NF2: variants seen among roughly 807,000 people sequenced by gnomAD.
NF2 encodes NF2, moesin-ezrin-radixin like (MERLIN) tumor suppressor.
Under a neutral mutation model 83.7 loss-of-function variants are expected in NF2, and 8 were observed. That is an observed-to-expected ratio of 0.10 (90% CI 0.06 to 0.17). NF2 has a LOEUF of 0.17. Ranked by LOEUF, NF2 falls within the 10% of genes least tolerant of loss-of-function variation. The pLI, the probability that NF2 is intolerant of heterozygous loss-of-function variation, is 1.00. For synonymous variants in NF2, 266 were observed against 269.6 expected, an observed-to-expected ratio of 0.99 and a Z score of 0.13; for missense variants, 533 against 744.4, an observed-to-expected ratio of 0.72 and a Z score of 3.31.
chr22:29,667,009 A>T (rs370707084), intron 9 of NF2, among the ~76,000 whole-genome samples: 1 of 152,294 alleles, frequency 6.6e-6, no homozygotes. Flanking sequence ...AAATAAATCA[A>T]AAATAGAGCT....
At chr22:29,612,877 CCT>C (rs2064988528) in intron 1 of NF2, among the ~76,000 whole-genome samples, 1 of 151,842 alleles carries the variant, frequency 6.6e-6, no homozygotes, top group Admixed American at 6.6e-5. Flanking sequence ...AGGCGGATCA[CCT>C]GAGGTCAGGA....
chr22:29,678,087 G>A lies in NF2; in HGVS notation c.1447-109G>A, dbSNP rs935665609. 2.8e-6 allele frequency: 4 copies of A among 1,452,060 alleles called. No individual in the cohort carries two copies. In the South Asian group the frequency reaches 3.4e-5, roughly 12 times the overall value. The allele number at this position is 1,452,060 out of a possible 1,614,324, so 89.9% of individuals were successfully genotyped here. A position where few individuals can be genotyped will look rare whatever the true frequency, so the allele number is the denominator to read the frequency against. On this transcript the variant is annotated intron_variant, in intron 13 of 15. Coordinates refer to ENST00000338641, the MANE Select transcript of NF2 (RefSeq NM_000268.4). The stretch of plus-strand genomic sequence containing the variant: ...GTGGTGGCATTGGGAGGTGGGACCC[G>A]AGTTGTGCCCATTGCCTCTGTGGCT...
At chr22:29,624,850 T>G (rs2065314009) in intron 1 of NF2, among the ~76,000 whole-genome samples, 1 of 148,808 alleles carries the variant, frequency 6.7e-6, no homozygotes, top group African/African-American at 2.5e-5. Context: ...TCTTTCTTTC[T>G]TTCTTTCTTT....
At chr22:29,619,279 A>G (rs1012633712) in intron 1 of NF2, among the ~76,000 whole-genome samples, 1 of 152,164 alleles carries the variant, frequency 6.6e-6, no homozygotes, top group Non-Finnish European at 1.5e-5. Context: ...TCCTGACCTC[A>G]GGTGATCCAC....
At chr22:29,674,706 T>A in intron 12 of NF2, 130 bp from the exon 13 acceptor site, 1 of 745,090 alleles carries the variant, frequency 1.3e-6, no homozygotes, top group Admixed American at 2.0e-5. Context: ...CCTGTCTCAC[T>A]GTCCTTTTTC....
chr22:29,690,424 TCA>T (rs2067374762), intron 15 of NF2, among the ~76,000 whole-genome samples: 1 of 152,162 alleles, frequency 6.6e-6, no homozygotes, highest in South Asian at 2.1e-4. Flanking sequence ...CCCTGCCGTC[TCA>T]CAGCCTGCTG....
chr22:29,659,571 A>G (rs2066416300), intron 7 of NF2, among the ~76,000 whole-genome samples: 1 of 152,176 alleles, frequency 6.6e-6, no homozygotes, highest in South Asian at 2.1e-4. Context: ...TGGCTATCTT[A>G]GTGTCTTTTA....
At chr22:29,688,346 G>A (rs758102112) in intron 15 of NF2, among the ~76,000 whole-genome samples, 7 of 152,206 alleles carry the variant, frequency 4.6e-5, no homozygotes, top group Non-Finnish European at 8.8e-5. Context: ...CACCGGATTC[G>A]TTGCTGCAAC....
intron 1 of NF2, among the ~76,000 whole-genome samples, chr22:29,628,025 AGCCTCATCTAGTTATCAT>A (rs1375604220): frequency 2.0e-5 from 3 of 152,202 alleles, no homozygotes; most frequent in Non-Finnish European, 4.4e-5. Flanking sequence ...TCTGCTCAGA[AGCCTCATCTAGTTATCAT>A]GATTATCATC....
chr22:29,673,048 G>T (rs979810644), intron 11 of NF2, among the ~76,000 whole-genome samples: 5 of 152,242 alleles, frequency 3.3e-5, no homozygotes, highest in Non-Finnish European at 5.9e-5. Flanking sequence ...GGTACTCAGA[G>T]AAGGTGCTCT....
At chr22:29,634,866 T>A (rs2065606565) in intron 1 of NF2, among the ~76,000 whole-genome samples, 1 of 152,222 alleles carries the variant, frequency 6.6e-6, no homozygotes, top group Admixed American at 6.5e-5. Flanking sequence ...TGCCCATTAC[T>A]CAGCCTTAAA....
intron 7 of NF2, among the ~76,000 whole-genome samples, chr22:29,660,569 G>GT (rs985880850): frequency 3.9e-5 from 6 of 151,956 alleles, no homozygotes; most frequent in South Asian, 2.1e-4. Flanking sequence ...AAACCTATGG[G>GT]TTTTTTTTGT....
In NF2 at chr22:29,665,116, T is replaced by C. The variant is rs369124306; in HGVS notation, c.885+52T>C. 4.5e-6 allele frequency: 6 copies of C among 1,327,880 alleles called. No individual in the cohort carries two copies. The African/African-American group carries it at 5.8e-5, about 13-fold the overall frequency. 82.3% of individuals were successfully genotyped at this position (1,327,880 alleles called of 1,614,324 possible). A position where few individuals can be genotyped will look rare whatever the true frequency, so the allele number is the denominator to read the frequency against. On this transcript the variant is annotated intron_variant, in intron 9 of 15. Coordinates refer to ENST00000338641, the MANE Select transcript of NF2 (RefSeq NM_000268.4). Reference sequence around the variant, plus strand: ...CTGATAATGGTAGCTTTTCTGAGAATTGAATACTTCTTTTTAAAGGATATC... The same window carrying C: ...CTGATAATGGTAGCTTTTCTGAGAACTGAATACTTCTTTTTAAAGGATATC...
intron 4 of NF2, among the ~76,000 whole-genome samples, chr22:29,650,791 T>A (rs1372942589): frequency 1.3e-5 from 2 of 152,262 alleles, no homozygotes; most frequent in East Asian, 3.9e-4. Flanking sequence ...TTAGTACAGA[T>A]GAGGTTTCAC....
At chr22:29,625,148 C>A (rs757412326) in intron 1 of NF2, among the ~76,000 whole-genome samples, 3 of 152,022 alleles carry the variant, frequency 2.0e-5, no homozygotes, top group Non-Finnish European at 2.9e-5. Flanking sequence ...AGGATGGTCT[C>A]GATCTCTTGA....
chr22:29,675,370 G>A (rs2066929752), intron 13 of NF2, among the ~76,000 whole-genome samples: 1 of 152,132 alleles, frequency 6.6e-6, no homozygotes, highest in African/African-American at 2.4e-5. Flanking sequence ...GTGCAAGAAC[G>A]AGCAGCCACT....
Position 29,668,424 on chromosome 22 carries a change from G to A in NF2, c.977G>A (p.Arg326Lys), listed in dbSNP as rs748792522. The A allele has an allele frequency of 6.2e-7, 1 of 1,613,748 alleles. No individual in the cohort carries two copies. The highest frequency in any genetic ancestry group is 2.2e-5 in the East Asian group (1 of 44,868). ...GTTCAGCAGATGAAAGCCCAGGCCA[G>A]GGAGGAGAAGGCTAGAAAGCAGGTG... ...LEVQQMKAQA[R>K]EEKARKQMER... Residue 326 changes from arginine to lysine, a missense_variant, in exon 10 of 16, where the codon AGG (arginine) becomes AAG (lysine). Arg to Lys is a conservative substitution (Grantham distance 26). Around this residue, in one of 3 missense-constraint regions of NF2, gnomAD observed 326 missense variants for 475.1 expected, o/e 0.69. Transcript: ENST00000338641.
chr22:29,689,416 T>A (rs576047588), intron 15 of NF2, among the ~76,000 whole-genome samples: 8 of 152,034 alleles, frequency 5.3e-5, no homozygotes, highest in Non-Finnish European at 1.2e-4. Context: ...CGTCCTTTTG[T>A]GTCTACACCC....
intron 11 of NF2, 25 bp downstream of exon 11, chr22:29,671,973 C>T (rs372299699): frequency 6.2e-7 from 1 of 1,613,994 alleles, no homozygotes; most frequent in East Asian, 2.2e-5. Flanking sequence ...GCTGGGGTTC[C>T]AGGAGGCTAC....
Sources: allele counts gnomAD v4.1 joint callset (sites outside exome capture counted in the v4.1 genomes callset), GRCh38; gene constraint gnomAD v4.1.1; regional missense constraint gnomAD v4.1.1; transcripts MANE v1.5; gene names NCBI Gene and HGNC (gene_info 2026-07-23, HGNC 2026-07-21).